Variants in TRPA1 observed in about 807,000 individuals in gnomAD.
TRPA1 encodes ankyrin-like with transmembrane domains 1.
Under a neutral mutation model 131.3 loss-of-function variants are expected in TRPA1, and 129 were observed. That is an observed-to-expected ratio of 0.98 (90% CI 0.85 to 1.14). The LOEUF is 1.14. TRPA1 is among the 50% of genes most tolerant of loss of function. The probability of loss-of-function intolerance (pLI) is 0.00; values close to 1 mark genes in which losing one functional copy is unlikely to be tolerated. For missense variants in TRPA1, 1,304 were observed against 1,354.2 expected, an observed-to-expected ratio of 0.96 and a Z score of 0.58; for synonymous variants, 441 against 451.7, an observed-to-expected ratio of 0.98 and a Z score of 0.30.
At chr8:72,084,081 T>A in the TRPA1 span, among the ~76,000 whole-genome samples, 1 of 152,218 alleles carries the variant, frequency 6.6e-6, no homozygotes, top group African/African-American at 2.4e-5. Context: ...TCATTTTAAA[T>A]TTTATTTCAA....
intron 23 of TRPA1, among the ~76,000 whole-genome samples, chr8:72,032,719 G>A (rs1023122165): frequency 1.4e-4 from 22 of 152,262 alleles, no homozygotes; most frequent in Admixed American, 4.6e-4. Context: ...GTCATTCTCC[G>A]TTATTCCTAT....
chr8:72,036,324 T>C lies in TRPA1; in HGVS notation c.2519A>G (p.Tyr840Cys), dbSNP rs761297504. Residue 840 changes from tyrosine (Y) to cysteine (C), a missense_variant, in exon 21 of 27, where the codon TAC becomes TGC. Tyr to Cys is a radical substitution (Grantham distance 194). Transcript: ENST00000262209. ...LQWQCGAIAV[Y>C]FYWMNFLLYL... is the part of the protein sequence containing the mutation. ...CAATAAGAAATTCATCCAATAGAAG[T>C]AAACAGCAATTGCTCCACATTGCCA... 2 of 1,614,084 alleles carry C rather than the reference T, an allele frequency of 1.2e-6. No individual in the cohort carries two copies. The highest frequency in any genetic ancestry group is 1.7e-6 in the Non-Finnish European group (2 of 1,180,012).
chr8:72,029,025 A>T (rs113703844), intron 24 of TRPA1, among the ~76,000 whole-genome samples: 60 of 152,332 alleles, frequency 3.9e-4, no homozygotes, highest in African/African-American at 1.4e-3. Context: ...ATTTAAAGAC[A>T]ATCCAGTGAA....
chr8:72,082,149 T>G, the TRPA1 span, among the ~76,000 whole-genome samples: 8 of 151,980 alleles, frequency 5.3e-5, no homozygotes, highest in Non-Finnish European at 1.2e-4. Context: ...GTTATTTTCA[T>G]AGTATAGTGA....
At chr8:72,040,836 G>A (rs899236789) in intron 17 of TRPA1, among the ~76,000 whole-genome samples, 1 of 152,006 alleles carries the variant, frequency 6.6e-6, no homozygotes, top group Non-Finnish European at 1.5e-5. Flanking sequence ...CATACTGAAA[G>A]CAATTAACAA....
intron 8 of TRPA1, among the ~76,000 whole-genome samples, chr8:72,058,885 T>C (rs1056944692): frequency 6.6e-6 from 1 of 152,148 alleles, no homozygotes; most frequent in Non-Finnish European, 1.5e-5. Flanking sequence ...GCTGACTGAT[T>C]CCACTTCCCA....
chr8:72,075,704 C>G (rs1806165946), upstream of TRPA1: 1 of 455,832 alleles, frequency 2.2e-6, no homozygotes, highest in African/African-American at 2.0e-5. Context: ...GCCTTGGACT[C>G]GCCCCTTCAG....
Position 72,059,442 on chromosome 8 carries a change from A to T in TRPA1, c.945-4T>A. The T allele has an allele frequency of 6.4e-7, 1 of 1,560,148 alleles. No individual in the cohort carries two copies. Among genetic ancestry groups the T allele is most frequent in the African/African-American group, 1.4e-5 (1 of 73,868 alleles). On this transcript the variant is annotated splice_polypyrimidine_tract_variant and splice_region_variant and intron_variant, in intron 7 of 26. Coordinates refer to ENST00000262209, the MANE Select transcript of TRPA1 (RefSeq NM_007332.3). ...ATGGTGATCAAACAATGAAGCTCTG[A>T]AAAAACAGAATTATAAACATTATAA... is the stretch of plus-strand genomic sequence containing the variant.
intron 24 of TRPA1, 31 bp downstream of exon 24, chr8:72,029,870 A>C: frequency 1.9e-6 from 3 of 1,605,756 alleles, no homozygotes; most frequent in South Asian, 2.2e-5. Flanking sequence ...AGAAGATAAC[A>C]CTGTAATAAG....
chr8:72,064,932 G>C (rs1805896401), intron 4 of TRPA1, among the ~76,000 whole-genome samples: 1 of 152,098 alleles, frequency 6.6e-6, no homozygotes, highest in Non-Finnish European at 1.5e-5. Context: ...TCAGGCATGT[G>C]GCTAAGAACC....
chr8:72,046,555 T>C lies in TRPA1; in HGVS notation c.2019A>G (p.Thr673=). The C allele has an allele frequency of 9.4e-6, 15 of 1,601,474 alleles. No individual in the cohort carries two copies. The highest frequency in any genetic ancestry group is 1.3e-5 in the Non-Finnish European group (15 of 1,171,188). ...LQCPLEFTKK[T]PTQDVIYEPL... is the part of the protein sequence containing the mutation. ...GTTCATATATAACATCCTGTGTAGG[T>C]GTTTTTTTGGTGAATTCTAATGGAC... Residue 673 remains threonine (T), a synonymous_variant, in exon 17 of 27, where the codon ACA becomes ACG. Transcript: ENST00000262209.
chr8:72,057,133 T>C (rs1380473013), intron 9 of TRPA1, 116 bp from the exon 10 acceptor site: 2 of 778,958 alleles, frequency 2.6e-6, no homozygotes, highest in African/African-American at 3.5e-5. Context: ...ACCTTTAGTT[T>C]ACAGGAAATT....
At chr8:72,040,858 T>G (rs182853593) in intron 17 of TRPA1, among the ~76,000 whole-genome samples, 1 of 152,194 alleles carries the variant, frequency 6.6e-6, no homozygotes, top group East Asian at 1.9e-4. Context: ...ATGGCAATAG[T>G]AAGTCCTTTC....
rs1429529908 is a variant in TRPA1 at position 72,055,464 on chromosome 8, G to T, written c.1501C>A (p.Leu501Ile). 6.2e-7 allele frequency: 1 copy of T among 1,612,966 alleles called. No individual in the cohort carries two copies. The highest frequency in any genetic ancestry group is 1.1e-5 in the South Asian group (1 of 91,032). The change falls in exon 12 of 27, where the codon CTT (leucine) becomes ATT (isoleucine). Residue 501 changes from leucine to isoleucine, a missense_variant. Leu to Ile is a conservative substitution (Grantham distance 5). Coordinates refer to ENST00000262209, the MANE Select transcript of TRPA1 (RefSeq NM_007332.3). Reference protein sequence around the residue: ...KNGHDKVVQLLLKKGALFLSD... With the variant: ...KNGHDKVVQLILKKGALFLSD... ...AGAAACAATGCACCTTTTTTCAGAA[G>T]AAGCTGAACTACTTTATCATGTCCA...
rs947558329 is a variant in TRPA1 at position 72,023,092 on chromosome 8, C to T, written c.3174G>A (p.Leu1058=). Residue 1058 remains leucine, a synonymous_variant, in exon 27 of 27, where the codon CTG becomes CTA. Transcript: ENST00000262209. ...KYRLKDLTFL[L]EKQHELIKLI... ...GTTTAATGAGCTCATGCTGTTTTTCCAGGAGAAAAGTAAGATCCTTCAGCC... is the reference window on the plus strand; with the variant it reads ...GTTTAATGAGCTCATGCTGTTTTTCTAGGAGAAAAGTAAGATCCTTCAGCC... 1 of 1,613,404 alleles carries T rather than the reference C, an allele frequency of 6.2e-7. No homozygotes were observed. Among genetic ancestry groups the T allele is most frequent in the Non-Finnish European group, 8.5e-7 (1 of 1,179,722 alleles).
intron 3 of TRPA1, among the ~76,000 whole-genome samples, chr8:72,067,110 T>C (rs1024442311): frequency 6.6e-6 from 1 of 152,152 alleles, no homozygotes; most frequent in African/African-American, 2.4e-5. Flanking sequence ...TGGATGACAG[T>C]TTTTTACTTT....
At chr8:72,055,318 G>A (rs1805634544) in intron 12 of TRPA1, 118 bp downstream of exon 12, 1 of 831,066 alleles carries the variant, frequency 1.2e-6, no homozygotes, top group East Asian at 2.6e-5. Flanking sequence ...AAATAAATTG[G>A]ATAAAAGTAC....
At chr8:72,043,310 C>T (rs986796856) in intron 17 of TRPA1, among the ~76,000 whole-genome samples, 10 of 151,844 alleles carry the variant, frequency 6.6e-5, no homozygotes, top group African/African-American at 1.7e-4. Context: ...TTTGTATTTA[C>T]GTTTTTACTC....
chr8:72,068,977 A>G (rs1585889916), intron 3 of TRPA1, 46 bp downstream of exon 3: 1 of 1,608,492 alleles, frequency 6.2e-7, no homozygotes, highest in African/African-American at 1.3e-5. Context: ...GGGTCCCAGC[A>G]CCTGCACCGC....
Sources: allele counts gnomAD v4.1 joint callset (sites outside exome capture counted in the v4.1 genomes callset), GRCh38; gene constraint gnomAD v4.1.1; transcripts MANE v1.5; gene names NCBI Gene and HGNC (gene_info 2026-07-23, HGNC 2026-07-21).